CLSTN2: variants seen among roughly 807,000 people sequenced by gnomAD.
The protein encoded by CLSTN2 is calsyntenin-2.
In CLSTN2, 48 loss-of-function variants were observed where a neutral mutation model predicts 101.2. The observed-to-expected ratio is 0.47, with a 90% CI of 0.38 to 0.60. The LOEUF is 0.60. CLSTN2 is among the 20% of genes least tolerant of loss of function. The pLI, the probability that CLSTN2 is intolerant of heterozygous loss-of-function variation, is 0.00. For missense variants in CLSTN2, 1,160 were observed against 1,238.2 expected (o/e 0.94, Z 0.95); for synonymous variants, 481 against 463.6 (o/e 1.04, Z -0.48).
At chr3:140,179,067 C>T (rs1449324433) in intron 2 of CLSTN2, among the ~76,000 whole-genome samples, 4 of 152,120 alleles carry the variant, frequency 2.6e-5, no homozygotes, top group Admixed American at 6.6e-5. Context: ...CATGATCTCA[C>T]GTGATTTTTA....
chr3:139,970,697 A>T (rs1200650076), intron 1 of CLSTN2, among the ~76,000 whole-genome samples: 1 of 152,164 alleles, frequency 6.6e-6, no homozygotes, highest in Non-Finnish European at 1.5e-5. Flanking sequence ...CAGGATTTCC[A>T]CCTGAGATTG....
intron 5 of CLSTN2, among the ~76,000 whole-genome samples, chr3:140,447,136 CT>C (rs1181389562): frequency 6.6e-6 from 1 of 152,218 alleles, no homozygotes; most frequent in Non-Finnish European, 1.5e-5. Flanking sequence ...CAATGCAGGA[CT>C]TTCTGAGTTT....
chr3:140,006,828 A>T (rs2006968547), intron 1 of CLSTN2, among the ~76,000 whole-genome samples: 1 of 152,168 alleles, frequency 6.6e-6, no homozygotes, highest in Non-Finnish European at 1.5e-5. Context: ...TAGTAGCTCT[A>T]TCAATAGTAG....
Position 140,152,110 on chromosome 3 carries a change from G to A in CLSTN2, c.110-23841G>A, listed in dbSNP as rs72986174. On this transcript the variant is annotated intron_variant, in intron 1 of 16. Transcript: ENST00000458420. ...CTACAAAATTACATCTGTTAGATTAGCTATTAATTAATGTATTATTACTAA... is the reference window on the plus strand; with the variant it reads ...CTACAAAATTACATCTGTTAGATTAACTATTAATTAATGTATTATTACTAA... 8.7e-3 allele frequency among the ~76,000 whole-genome samples: 1,320 copies of A among 152,238 alleles called. 11 individuals carry two copies. The highest frequency in any genetic ancestry group is 0.03 in the African/African-American group (1,252 of 41,520).
At chr3:140,150,127 T>G (rs2009839668) in intron 1 of CLSTN2, among the ~76,000 whole-genome samples, 1 of 152,226 alleles carries the variant, frequency 6.6e-6, no homozygotes. Flanking sequence ...GAGAATGCAC[T>G]ACTACTTCCT....
intron 1 of CLSTN2, among the ~76,000 whole-genome samples, chr3:139,997,306 T>C (rs1247224606): frequency 6.6e-6 from 1 of 151,446 alleles, no homozygotes; most frequent in Admixed American, 6.6e-5. Flanking sequence ...TCTTTTATTT[T>C]ATTGCAGTAA....
At chr3:140,253,823 A>G (rs2086583561) in intron 2 of CLSTN2, among the ~76,000 whole-genome samples, 1 of 151,046 alleles carries the variant, frequency 6.6e-6, no homozygotes, top group Non-Finnish European at 1.5e-5. Flanking sequence ...GGTTCTTGCC[A>G]TTTAGTCCTC....
chr3:139,980,819 G>A (rs901267896), intron 1 of CLSTN2, among the ~76,000 whole-genome samples: 5 of 152,042 alleles, frequency 3.3e-5, no homozygotes, highest in Admixed American at 3.3e-4. Context: ...GCACTTCCAG[G>A]CACTACAGGA....
At position 140,576,361 on chromosome 3, in the gene CLSTN2, C is replaced by G. The variant is rs1363239497; in HGVS notation, c.*10108C>G. On this transcript the variant is annotated 3_prime_UTR_variant, in exon 17 of 17. Transcript: ENST00000458420. Reference sequence around the variant, plus strand: ...CTGTAGCTTGTCTCTACTATTGTCTCTACACCGTTGCCCAAACACTTGGTA... The same window carrying G: ...CTGTAGCTTGTCTCTACTATTGTCTGTACACCGTTGCCCAAACACTTGGTA... The G allele has an allele frequency of 6.6e-6, 1 of 152,222 alleles. No homozygotes were observed. Among genetic ancestry groups the G allele is most frequent in the Non-Finnish European group, 1.5e-5 (1 of 68,028 alleles). The allele number at this position is 152,222 out of a possible 1,614,324, so 9.4% of individuals were successfully genotyped here. A position where few individuals can be genotyped will look rare whatever the true frequency, so the allele number is the denominator to read the frequency against.
chr3:139,937,420 A>G lies in CLSTN2; in HGVS notation c.109+1937A>G, dbSNP rs138714279. On this transcript the variant is annotated intron_variant, in intron 1 of 16. Transcript: ENST00000458420. ...TTTTAACCAACATCCGACTTAGAACATATTCATTTTTTGGTTAAAACTAGG... is the reference window on the plus strand; with the variant it reads ...TTTTAACCAACATCCGACTTAGAACGTATTCATTTTTTGGTTAAAACTAGG... Among the ~76,000 whole-genome samples the G allele has an allele frequency of 4.4e-3, 673 of 152,238 alleles. 5 individuals are homozygous for G. The highest frequency in any genetic ancestry group is 0.015 in the African/African-American group (631 of 41,528).
chr3:140,326,419 G>A (rs2087332587), intron 2 of CLSTN2, among the ~76,000 whole-genome samples: 1 of 152,210 alleles, frequency 6.6e-6, no homozygotes, highest in Non-Finnish European at 1.5e-5. Context: ...GTTCCCATTA[G>A]TTGTTGCAGT....
intron 9 of CLSTN2, among the ~76,000 whole-genome samples, chr3:140,541,427 A>G (rs899867240): frequency 2.0e-5 from 3 of 152,168 alleles, no homozygotes; most frequent in Admixed American, 6.5e-5. Flanking sequence ...GATTGCAGGG[A>G]GATTTGCAAA....
At chr3:140,208,936 C>T (rs866443864) in intron 2 of CLSTN2, among the ~76,000 whole-genome samples, 1 of 152,114 alleles carries the variant, frequency 6.6e-6, no homozygotes, top group Non-Finnish European at 1.5e-5. Flanking sequence ...CCCACCGCCA[C>T]CTTCACTGTC....
intron 1 of CLSTN2, among the ~76,000 whole-genome samples, chr3:140,070,382 CT>C (rs1328761001): frequency 6.6e-6 from 1 of 152,158 alleles, no homozygotes; most frequent in Non-Finnish European, 1.5e-5. Flanking sequence ...CATTATAAGC[CT>C]TGTATTAAAC....
intron 2 of CLSTN2, among the ~76,000 whole-genome samples, chr3:140,332,970 T>C (rs949927232): frequency 7.2e-5 from 11 of 152,334 alleles, no homozygotes; most frequent in African/African-American, 2.6e-4. Context: ...GTTTTCAAAT[T>C]ACTCTGAATC....
At chr3:140,421,057 G>T in intron 4 of CLSTN2, 68 bp from the exon 5 acceptor site, 1 of 1,510,886 alleles carries the variant, frequency 6.6e-7, no homozygotes, top group East Asian at 2.3e-5. Flanking sequence ...GAGTGGAGAA[G>T]AGATTTGGGA....
At chr3:140,285,626 A>C (rs1030565810) in intron 2 of CLSTN2, among the ~76,000 whole-genome samples, 2 of 152,154 alleles carry the variant, frequency 1.3e-5, no homozygotes, top group African/African-American at 4.8e-5. Context: ...CAGATTGCCA[A>C]TTGCCCTCCC....
At chr3:140,427,482 G>A (rs940473884) in intron 5 of CLSTN2, among the ~76,000 whole-genome samples, 5 of 151,988 alleles carry the variant, frequency 3.3e-5, no homozygotes, top group South Asian at 2.1e-4. Context: ...AGATCAATGC[G>A]AGGTGCCAGA....
chr3:140,505,109 C>A (rs1286046994), intron 8 of CLSTN2, among the ~76,000 whole-genome samples: 2 of 151,758 alleles, frequency 1.3e-5, no homozygotes, highest in African/African-American at 4.9e-5. Flanking sequence ...CTGAGACAAC[C>A]TGTTGACAAG....
Sources: gnomAD v4.1 joint callset for allele counts (sites outside exome capture counted in the v4.1 genomes callset) on GRCh38, gnomAD v4.1.1 for gene constraint, MANE v1.5 for transcripts, NCBI Gene and HGNC (gene_info 2026-07-23, HGNC 2026-07-21) for gene names.